OSBPL10: variants seen among roughly 807,000 people sequenced by gnomAD.
OSBPL10 encodes the protein oxysterol binding protein like 10, also known as oxysterol-binding protein-related protein 10.
A neutral mutation model predicts 81.7 loss-of-function variants in OSBPL10; 49 were observed. The ratio of observed to expected loss-of-function variants is 0.60; its 90% CI spans 0.48 to 0.76. The LOEUF is 0.76. OSBPL10 is among the 30% of genes least tolerant of loss of function. The pLI, the probability that OSBPL10 is intolerant of heterozygous loss-of-function variation, is 0.00. For synonymous variants in OSBPL10, 419 were observed against 383.6 expected, an observed-to-expected ratio of 1.09 and a Z score of -1.08; for missense variants, 923 against 987.8, an observed-to-expected ratio of 0.93 and a Z score of 0.88.
At chr3:31,735,258 G>A (rs1483537929) in intron 5 of OSBPL10, among the ~76,000 whole-genome samples, 1 of 152,128 alleles carries the variant, frequency 6.6e-6, no homozygotes, top group Non-Finnish European at 1.5e-5. Flanking sequence ...TGGGGAACAT[G>A]GCAAAACCCT....
chr3:31,863,021 G>A (rs967551492), intron 3 of OSBPL10, among the ~76,000 whole-genome samples: 1 of 152,168 alleles, frequency 6.6e-6, no homozygotes, highest in African/African-American at 2.4e-5. Context: ...ACCCAAATAT[G>A]CATCAAGCGA....
At position 31,989,726 on chromosome 3, in the gene OSBPL10, T is replaced by C. The variant is rs941517314; in HGVS notation, n.298+56765A>G. The C allele has an allele frequency of 3.1e-6, 5 of 1,614,000 alleles. No homozygotes were observed. In the African/African-American group the frequency reaches 5.3e-5, roughly 17 times the overall value. On this transcript the variant is annotated intron_variant and non_coding_transcript_variant, in intron 2 of 3. Coordinates refer to the OSBPL10 transcript ENST00000479173. Reference sequence around the variant, plus strand: ...GAAAATAATTTCTTCCATTCATCATTACTCACACTAAAACAGGAAGTACAC... The same window carrying C: ...GAAAATAATTTCTTCCATTCATCATCACTCACACTAAAACAGGAAGTACAC...
At chr3:31,747,858 G>A in intron 5 of OSBPL10, 52 bp downstream of exon 5, 1 of 1,535,474 alleles carries the variant, frequency 6.5e-7, no homozygotes, top group South Asian at 1.1e-5. Context: ...GTGGGACACA[G>A]ACACAGTGTG....
In OSBPL10 at chr3:32,039,728, T is replaced by C. The variant is rs140494212; in HGVS notation, n.298+6763A>G. On this transcript the variant is annotated intron_variant and non_coding_transcript_variant, in intron 2 of 3. Transcript: ENST00000479173. ...GCAAACAAAATCATTAAAAGTGATA[T>C]TGAAAGTTTATAATTCAAAATACTC... Among the ~76,000 whole-genome samples the C allele has an allele frequency of 5.5e-4, 83 of 152,254 alleles. No homozygotes were observed. The East Asian group carries it at 0.014, about 25-fold the overall frequency.
intron 5 of OSBPL10, among the ~76,000 whole-genome samples, chr3:31,737,617 CAAAT>C (rs1697220458): frequency 6.6e-6 from 1 of 152,124 alleles, no homozygotes; most frequent in Admixed American, 6.6e-5. Context: ...CACAGAAAGT[CAAAT>C]AAATAATGTA....
chr3:31,670,655 G>A (rs1700300817), intron 9 of OSBPL10, 142 bp downstream of exon 9: 2 of 936,304 alleles, frequency 2.1e-6, no homozygotes, highest in Admixed American at 2.7e-5. Flanking sequence ...GTAGGGAAAA[G>A]GCATCTCTTT....
intron 2 of OSBPL10, among the ~76,000 whole-genome samples, chr3:32,010,644 A>G (rs1288430359): frequency 6.6e-6 from 1 of 152,236 alleles, no homozygotes; most frequent in Non-Finnish European, 1.5e-5. Context: ...AGGGCGAGGC[A>G]TCACTTCACC....
rs78334900 is a variant in OSBPL10 at position 31,835,198 on chromosome 3, A to G, written c.538-4967T>C. On this transcript the variant is annotated intron_variant, in intron 3 of 11. Coordinates refer to ENST00000396556, the MANE Select transcript of OSBPL10 (RefSeq NM_017784.5). The stretch of plus-strand genomic sequence containing the variant: ...ACTAAAAAACCACTTGCTTCGGAGA[A>G]AAAAAATGCTCTTAAAATATGATTT... Among the ~76,000 whole-genome samples, 113 of 152,232 alleles carry G rather than the reference A, an allele frequency of 7.4e-4. 2 individuals carry two copies. The East Asian group carries it at 0.021, about 28-fold the overall frequency.
At chr3:31,672,901 C>G (rs1202928305) in intron 8 of OSBPL10, among the ~76,000 whole-genome samples, 1 of 152,146 alleles carries the variant, frequency 6.6e-6, no homozygotes, top group Admixed American at 6.5e-5. Flanking sequence ...GCATTTACAT[C>G]CTATCTTTCT....
At chr3:31,960,858 T>A (rs1474979193) in intron 1 of OSBPL10, among the ~76,000 whole-genome samples, 2 of 152,094 alleles carry the variant, frequency 1.3e-5, no homozygotes, top group East Asian at 3.9e-4. Flanking sequence ...ATCCTCTTTA[T>A]CCTCTTTAAT....
chr3:31,750,698 G>C (rs1697685111), intron 4 of OSBPL10, among the ~76,000 whole-genome samples: 1 of 152,038 alleles, frequency 6.6e-6, no homozygotes. Flanking sequence ...GCACTGAAAA[G>C]AAAGAAGAAA....
chr3:31,850,150 G>A (rs1700727892), intron 3 of OSBPL10, among the ~76,000 whole-genome samples: 1 of 152,086 alleles, frequency 6.6e-6, no homozygotes, highest in Non-Finnish European at 1.5e-5. Flanking sequence ...GGGTGACACA[G>A]TGAAACTCTG....
chr3:31,879,957 G>A, intron 1 of OSBPL10, 127 bp from the exon 2 acceptor site: 1 of 987,350 alleles, frequency 1.0e-6, no homozygotes. Flanking sequence ...GAAACCAAAA[G>A]TCCCTCCCAG....
intron 4 of OSBPL10, among the ~76,000 whole-genome samples, chr3:31,782,017 A>G (rs1453065808): frequency 6.6e-6 from 1 of 152,230 alleles, no homozygotes; most frequent in Non-Finnish European, 1.5e-5. Flanking sequence ...GGCAACAAGA[A>G]CAAAGCCAGA....
intron 1 of OSBPL10, among the ~76,000 whole-genome samples, chr3:31,915,439 AT>A (rs1164204311): frequency 1.3e-5 from 2 of 152,210 alleles, no homozygotes; most frequent in Non-Finnish European, 2.9e-5. Context: ...CCATAAAAAA[AT>A]AATCATTTCC....
At chr3:32,072,905 G>A (rs904343617) in intron 1 of OSBPL10, among the ~76,000 whole-genome samples, 1 of 152,094 alleles carries the variant, frequency 6.6e-6, no homozygotes, top group African/African-American at 2.4e-5. Context: ...CCTCTATACA[G>A]TCTGATAGTG....
At chr3:31,920,164 G>A (rs1312399204) in intron 1 of OSBPL10, among the ~76,000 whole-genome samples, 3 of 152,160 alleles carry the variant, frequency 2.0e-5, no homozygotes, top group Non-Finnish European at 2.9e-5. Context: ...GAGGAAGGGA[G>A]GAATAAGCAG....
intron 3 of OSBPL10, among the ~76,000 whole-genome samples, chr3:31,857,879 G>T (rs936219595): frequency 7.1e-6 from 1 of 140,820 alleles, no homozygotes; most frequent in Non-Finnish European, 1.6e-5. Flanking sequence ...AGAGGGAAAG[G>T]GGGGGAGAGA....
chr3:31,953,204 A>C (rs1176475143), intron 1 of OSBPL10, among the ~76,000 whole-genome samples: 1 of 152,034 alleles, frequency 6.6e-6, no homozygotes, highest in Non-Finnish European at 1.5e-5. Flanking sequence ...AAGTGCTGAG[A>C]TTACAGGCGT....
Sources: allele counts gnomAD v4.1 joint callset (sites outside exome capture counted in the v4.1 genomes callset), GRCh38; gene constraint gnomAD v4.1.1; transcripts MANE v1.5; gene names NCBI Gene and HGNC (gene_info 2026-07-23, HGNC 2026-07-21).